The following PCDHGA4 variants were observed in gnomAD, a reference collection of about 807,000 sequenced individuals.
PCDHGA4 encodes protocadherin gamma subfamily A, 4.
In PCDHGA4, 38 loss-of-function variants were observed where a neutral mutation model predicts 54.6. That is an observed-to-expected ratio of 0.70 (90% CI 0.54 to 0.91). The LOEUF is 0.91. PCDHGA4 is among the 40% of genes least tolerant of loss of function. PCDHGA4 has a pLI of 0.00. For synonymous variants in PCDHGA4, 511 were observed against 512.9 expected (o/e 1.00, Z 0.05); for missense variants, 1,298 against 1,220.9 (o/e 1.06, Z -0.94).
At chr5:141,465,466 C>T (rs1280373152) in intron 1 of PCDHGA4, among the ~76,000 whole-genome samples, 1 of 152,156 alleles carries the variant, frequency 6.6e-6, no homozygotes, top group African/African-American at 2.4e-5. Flanking sequence ...ACCAAATTGC[C>T]CTTGCTTCAT....
intron 1 of PCDHGA4, chr5:141,372,185 C>T: frequency 6.2e-7 from 1 of 1,613,630 alleles, no homozygotes; most frequent in Non-Finnish European, 8.5e-7. Context: ...TGGACGCAGA[C>T]TCGGGATACA....
chr5:141,405,467 T>G lies in PCDHGA4; in HGVS notation c.2514+47846T>G. On this transcript the variant is annotated intron_variant, in intron 1 of 3. Transcript: ENST00000571252. The stretch of plus-strand genomic sequence containing the variant: ...CAGAGTCTTACTCTGTTACCCAGGC[T>G]GGAATGCAGTGGTGTGATCTCGGCT... 3.6e-6 allele frequency: 4 copies of G among 1,103,716 alleles called. No individual in the cohort carries two copies. The South Asian group carries it at 6.1e-5, about 17-fold the overall frequency. 68.4% of individuals were successfully genotyped at this position (1,103,716 alleles called of 1,614,324 possible). A position where few individuals can be genotyped will look rare whatever the true frequency, so the allele number is the denominator to read the frequency against.
chr5:141,415,740 G>GTTTTTTTTTTTTTTTT (rs57426385), intron 1 of PCDHGA4: 34 of 625,042 alleles, frequency 5.4e-5, no homozygotes, highest in African/African-American at 2.0e-4. Flanking sequence ...GTTTATTAAG[G>GTTTTTTTTTTTTTTTT]TTTTTTTTTT....
intron 1 of PCDHGA4, chr5:141,423,965 T>C (rs911812056): frequency 8.1e-5 from 94 of 1,162,030 alleles, no homozygotes; most frequent in Admixed American, 1.3e-4. Context: ...TATTTTTCTA[T>C]TATCAGTGTA....
intron 1 of PCDHGA4, chr5:141,409,602 C>T (rs940700383): frequency 6.2e-7 from 1 of 1,613,932 alleles, no homozygotes; most frequent in South Asian, 1.1e-5. Flanking sequence ...AACAACCCGC[C>T]AGGAGCCTCC....
At chr5:141,510,887 G>C (rs2099883217) in intron 3 of PCDHGA4, 60 bp from the exon 4 acceptor site, 2 of 1,612,600 alleles carry the variant, frequency 1.2e-6, no homozygotes, top group East Asian at 4.5e-5. Context: ...GGGGATATAA[G>C]ACAGTGACTG....
chr5:141,392,013 G>A (rs980520094), intron 1 of PCDHGA4: 1 of 152,108 alleles, frequency 6.6e-6, no homozygotes, highest in African/African-American at 2.4e-5. Context: ...AATGGTAAAA[G>A]CATTTATCCT....
At chr5:141,394,186 C>T (rs1412149852) in intron 1 of PCDHGA4, 7 of 1,613,792 alleles carry the variant, frequency 4.3e-6, no homozygotes, top group South Asian at 1.1e-5. Context: ...GCCTCCTACT[C>T]AGCGTATATC....
intron 2 of PCDHGA4, among the ~76,000 whole-genome samples, chr5:141,499,689 CTT>C (rs545067566): frequency 7.5e-5 from 9 of 119,852 alleles, no homozygotes; most frequent in African/African-American, 9.3e-5. Flanking sequence ...TAACAGATGA[CTT>C]TTTTTTTTTT....
In PCDHGA4 at chr5:141,432,476, A is replaced by C; in HGVS notation, c.2515-62331A>C. 6.2e-7 allele frequency: 1 copy of C among 1,614,080 alleles called. No homozygotes were observed. The highest frequency in any genetic ancestry group is 8.5e-7 in the Non-Finnish European group (1 of 1,180,012). Reference sequence around the variant, plus strand: ...CCCCGCCCTCCCCACGGACGGTTCCACTGGCGTGGAGCTGGCTCCCCGCTC... The same window carrying C: ...CCCCGCCCTCCCCACGGACGGTTCCCCTGGCGTGGAGCTGGCTCCCCGCTC... On this transcript the variant is annotated intron_variant, in intron 1 of 3. Transcript: ENST00000571252. The surrounding 1 kb of genome is among the most constrained non-coding windows in gnomAD (Gnocchi z 6.0).
chr5:141,469,834 T>C (rs1228732202), intron 1 of PCDHGA4, among the ~76,000 whole-genome samples: 4 of 152,068 alleles, frequency 2.6e-5, no homozygotes, highest in African/African-American at 9.7e-5. Context: ...ACATAAAACT[T>C]ATTCTTAAGA....
intron 1 of PCDHGA4, chr5:141,421,995 C>G (rs750731453): frequency 6.2e-7 from 1 of 1,608,844 alleles, no homozygotes; most frequent in South Asian, 1.1e-5. Context: ...CAGAAAACAT[C>G]AGCTCCGGAA....
At chr5:141,447,797 T>C (rs536848880) in intron 1 of PCDHGA4, among the ~76,000 whole-genome samples, 16 of 152,022 alleles carry the variant, frequency 1.1e-4, no homozygotes, top group Admixed American at 7.9e-4. Context: ...TTTAAGAAAA[T>C]AAAATTGGCT....
In PCDHGA4 at chr5:141,409,971, A is replaced by G. The variant is rs758876775; in HGVS notation, c.2514+52350A>G. On this transcript the variant is annotated intron_variant, in intron 1 of 3. Coordinates refer to ENST00000571252, the MANE Select transcript of PCDHGA4 (RefSeq NM_018917.4). ...GCAGAGCCCGGCTACCTAGTGACTAAGGTGGTAGCGGTGGACGCCGACTCG... is the reference window on the plus strand; with the variant it reads ...GCAGAGCCCGGCTACCTAGTGACTAGGGTGGTAGCGGTGGACGCCGACTCG... 2.9e-5 allele frequency: 47 copies of G among 1,613,202 alleles called. No homozygotes were observed. The highest frequency in any genetic ancestry group is 3.8e-5 in the Non-Finnish European group (45 of 1,179,806).
At chr5:141,447,209 G>A (rs1004956165) in intron 1 of PCDHGA4, among the ~76,000 whole-genome samples, 3 of 151,850 alleles carry the variant, frequency 2.0e-5, no homozygotes, top group East Asian at 3.9e-4. Context: ...GCTTGATCTC[G>A]GCTCACTGCA....
At position 141,413,851 on chromosome 5, in the gene PCDHGA4, C is replaced by T. The variant is rs766108205; in HGVS notation, c.2514+56230C>T. The T allele has an allele frequency of 1.5e-5, 25 of 1,613,340 alleles. No homozygotes were observed. In the East Asian group the frequency reaches 2.7e-4, roughly 17 times the overall value. ...CGCCTCCGACGGGGGTGACCCTCTC[C>T]GATCTGGCACTGTCCTTGTCAGTGT... On this transcript the variant is annotated intron_variant, in intron 1 of 3. Coordinates refer to ENST00000571252, the MANE Select transcript of PCDHGA4 (RefSeq NM_018917.4).
At chr5:141,409,192 G>A in intron 1 of PCDHGA4, 4 of 1,614,000 alleles carry the variant, frequency 2.5e-6, no homozygotes, top group Non-Finnish European at 3.4e-6. Context: ...TCTCTACCCA[G>A]TGTAAAGTAA....
chr5:141,476,825 G>A lies in PCDHGA4; in HGVS notation c.2515-17982G>A. ...GCCTATTCACATCAAGGTGCTGGACGCGAATGACAATGCGCCTGTCTTCAA... is the reference window on the plus strand; with the variant it reads ...GCCTATTCACATCAAGGTGCTGGACACGAATGACAATGCGCCTGTCTTCAA... On this transcript the variant is annotated intron_variant, in intron 1 of 3. Transcript: ENST00000571252. The surrounding 1 kb of genome is among the most constrained non-coding windows in gnomAD (Gnocchi z 7.6). 6.2e-7 allele frequency: 1 copy of A among 1,613,554 alleles called. No individual in the cohort carries two copies. Among genetic ancestry groups the A allele is most frequent in the East Asian group, 2.2e-5 (1 of 44,870 alleles).
chr5:141,485,814 CT>C lies in PCDHGA4; in HGVS notation c.2515-8992del, dbSNP rs2099619658. On this transcript the variant is annotated intron_variant, in intron 1 of 3. Transcript: ENST00000571252. The surrounding 1 kb of genome is among the most constrained non-coding windows in gnomAD (Gnocchi z 5.7). ...TCGGACTACCGCCTGGTGCTGACTGCTGTCGATGGAGGGAACCCGCCGAGAT... is the reference window on the plus strand; with the variant it reads ...TCGGACTACCGCCTGGTGCTGACTGCGTCGATGGAGGGAACCCGCCGAGAT... The C allele has an allele frequency of 6.2e-7, 1 of 1,613,864 alleles. No individual in the cohort carries two copies. Among genetic ancestry groups the C allele is most frequent in the Non-Finnish European group, 8.5e-7 (1 of 1,179,990 alleles).
Sources: gnomAD v4.1 joint callset for allele counts (sites outside exome capture counted in the v4.1 genomes callset) on GRCh38, gnomAD v4.1.1 for gene constraint, Gnocchi (gnomAD v3.1) non-coding constraint, MANE v1.5 for transcripts, NCBI Gene and HGNC (gene_info 2026-07-23, HGNC 2026-07-21) for gene names.